Variants in APBB2 observed in about 807,000 individuals in gnomAD.
The protein encoded by APBB2 is amyloid beta precursor protein binding family B member 2, also known as Fe65-like 1.
APBB2 carries 38 observed loss-of-function variants against 82.5 expected under a neutral mutation model. The observed-to-expected ratio is 0.46, with a 90% CI of 0.36 to 0.60. APBB2 has a LOEUF of 0.60. Ranked by LOEUF, APBB2 falls within the 20% of genes least tolerant of loss-of-function variation. APBB2 has a pLI of 0.00. For synonymous variants in APBB2, 341 were observed against 368.2 expected (o/e 0.93, Z 0.85); for missense variants, 772 against 972.3 (o/e 0.79, Z 2.74).
chr4:41,074,303 G>A (rs1734860835), intron 3 of APBB2, among the ~76,000 whole-genome samples: 2 of 152,060 alleles, frequency 1.3e-5, no homozygotes, highest in South Asian at 4.1e-4. Context: ...CAAGGGATGT[G>A]CCCATCTCAT....
intron 12 of APBB2, among the ~76,000 whole-genome samples, chr4:40,870,165 T>C (rs1765087729): frequency 6.6e-6 from 1 of 152,172 alleles, no homozygotes; most frequent in Non-Finnish European, 1.5e-5. Context: ...TTTGTCTGTT[T>C]TTGACTTCAC....
intron 6 of APBB2, among the ~76,000 whole-genome samples, chr4:40,972,700 T>C (rs1403708506): frequency 6.6e-6 from 1 of 152,018 alleles, no homozygotes; most frequent in Non-Finnish European, 1.5e-5. Flanking sequence ...AGGTGAAGAG[T>C]GGAATCCAGT....
chr4:41,137,803 T>TA (rs1364063128), intron 2 of APBB2, among the ~76,000 whole-genome samples: 2 of 151,986 alleles, frequency 1.3e-5, no homozygotes, highest in Non-Finnish European at 2.9e-5. Flanking sequence ...AAAATAAAAA[T>TA]AAAAAATCAA....
intron 1 of APBB2, among the ~76,000 whole-genome samples, chr4:41,163,925 ATGTTC>A (rs1332537843): frequency 6.6e-6 from 1 of 152,250 alleles, no homozygotes; most frequent in Non-Finnish European, 1.5e-5. Context: ...TGAAATATAA[ATGTTC>A]TCTAACGTTT....
chr4:41,030,632 T>A (rs979554932), intron 5 of APBB2, among the ~76,000 whole-genome samples: 3 of 151,666 alleles, frequency 2.0e-5, no homozygotes, highest in South Asian at 2.1e-4. Context: ...TCAAAGATAA[T>A]TTTTTTTTAA....
intron 10 of APBB2, among the ~76,000 whole-genome samples, chr4:40,896,410 C>T (rs996663308): frequency 6.6e-6 from 1 of 152,208 alleles, no homozygotes; most frequent in African/African-American, 2.4e-5. Context: ...GAACAGCCTG[C>T]ATTCTAATCT....
intron 1 of APBB2, among the ~76,000 whole-genome samples, chr4:41,207,063 G>A (rs774149513): frequency 2.6e-5 from 4 of 151,956 alleles, no homozygotes; most frequent in African/African-American, 9.7e-5. Flanking sequence ...GCCGGATACA[G>A]TGGCGGGCAC....
Position 41,144,094 on chromosome 4 carries a change from T to C in APBB2, c.-416-952A>G, listed in dbSNP as rs1760013427. Among the ~76,000 whole-genome samples the C allele has an allele frequency of 5.9e-5, 9 of 152,366 alleles. No homozygotes were observed. In the South Asian group the frequency reaches 1.9e-3, roughly 32 times the overall value. Reference sequence around the variant, plus strand: ...AGATTAAGAAGTCTTCATTTGTTAATTATAGTAACAGTTATGACGACATCT... The same window carrying C: ...AGATTAAGAAGTCTTCATTTGTTAACTATAGTAACAGTTATGACGACATCT... On this transcript the variant is annotated intron_variant, in intron 1 of 17. Coordinates refer to ENST00000508593, the MANE Select transcript of APBB2 (RefSeq NM_004307.2).
chr4:41,167,580 T>G (rs1388257695), intron 1 of APBB2, among the ~76,000 whole-genome samples: 1 of 152,236 alleles, frequency 6.6e-6, no homozygotes, highest in Non-Finnish European at 1.5e-5. Context: ...CCTATGCATA[T>G]TTTATTAATC....
Position 40,944,978 on chromosome 4 carries a change from T to TG in APBB2, c.930dup (p.Ile311HisfsTer22). The TG allele has an allele frequency of 6.2e-7, 1 of 1,613,440 alleles. No homozygotes were observed. The highest frequency in any genetic ancestry group is 2.2e-5 in the East Asian group (1 of 44,824). On this transcript the variant is annotated frameshift_variant, in exon 7 of 18. Coordinates refer to ENST00000508593, the MANE Select transcript of APBB2 (RefSeq NM_004307.2). LOFTEE classifies it high-confidence loss of function. ...TCCCACTGAGTCGTTCCTGTTGGGA[T>TG]GTGCCAATAATAGGTCCCGGCAATG...
rs1257059041 is a variant in APBB2 at position 41,127,072 on chromosome 4, C to T, written c.-261+15915G>A. On this transcript the variant is annotated intron_variant, in intron 2 of 17. Coordinates refer to ENST00000508593, the MANE Select transcript of APBB2 (RefSeq NM_004307.2). This position sits in a 1 kb window ranked among gnomAD's most constrained non-coding sequence, Gnocchi z 4.8. ...GTGCCATGAGGCTAGACTCAATAAA[C>T]TCACAATTCATTTCTCACTTACTTA... Among the ~76,000 whole-genome samples, 1 of 152,074 alleles carries T rather than the reference C, an allele frequency of 6.6e-6. No homozygotes were observed. The highest frequency in any genetic ancestry group is 2.4e-5 in the African/African-American group (1 of 41,412).
At chr4:41,111,548 G>A (rs930949248) in intron 2 of APBB2, among the ~76,000 whole-genome samples, 3 of 152,124 alleles carry the variant, frequency 2.0e-5, no homozygotes, top group Non-Finnish European at 2.9e-5. Context: ...TTCACAGAAT[G>A]TTAATGCTAG....
At chr4:41,034,669 T>C (rs1718446516) in intron 4 of APBB2, among the ~76,000 whole-genome samples, 2 of 152,216 alleles carry the variant, frequency 1.3e-5, no homozygotes, top group African/African-American at 2.4e-5. Context: ...AGAATATGCA[T>C]AGCAAAGCAT....
chr4:40,934,084 G>C (rs139573490), intron 10 of APBB2, among the ~76,000 whole-genome samples: 1 of 152,206 alleles, frequency 6.6e-6, no homozygotes, highest in African/African-American at 2.4e-5. Flanking sequence ...CTCTGGTGGC[G>C]GTAGGTGGGA....
intron 10 of APBB2, among the ~76,000 whole-genome samples, chr4:40,927,786 C>T (rs1432859006): frequency 6.6e-6 from 1 of 152,148 alleles, no homozygotes; most frequent in Non-Finnish European, 1.5e-5. Flanking sequence ...CGCCCAGCCC[C>T]TCTTCTTTAA....
At chr4:40,819,176 CTTTTTTTTTTTTCTTTT>C (rs1208565615) in intron 17 of APBB2, among the ~76,000 whole-genome samples, 1 of 135,214 alleles carries the variant, frequency 7.4e-6, no homozygotes. Flanking sequence ...CCTTGGCTCT[CTTTTTTTTTTTTCTTTT>C]TTTTTTTTTT....
At chr4:40,831,947 T>A (rs1028309359) in intron 12 of APBB2, among the ~76,000 whole-genome samples, 2 of 151,650 alleles carry the variant, frequency 1.3e-5, no homozygotes, top group South Asian at 4.2e-4. Flanking sequence ...AATGTTAACA[T>A]TGGAAGACAG....
At chr4:40,938,125 C>A (rs1197106148) in intron 7 of APBB2, among the ~76,000 whole-genome samples, 2 of 152,234 alleles carry the variant, frequency 1.3e-5, no homozygotes, top group Non-Finnish European at 2.9e-5. Context: ...GAGCAACAAG[C>A]TTCCATGAGC....
Position 41,016,686 on chromosome 4 carries a change from A to T in APBB2, c.20-2288T>A, listed in dbSNP as rs554690224. 2.6e-5 allele frequency among the ~76,000 whole-genome samples: 4 copies of T among 151,942 alleles called. No individual in the cohort carries two copies. The East Asian group carries it at 7.8e-4, about 30-fold the overall frequency. The stretch of plus-strand genomic sequence containing the variant: ...AAAAGAAAAAAAAAGACTTCTAGCC[A>T]TATTTTCACAGTCTTTGGGATCCCA... On this transcript the variant is annotated intron_variant, in intron 5 of 17. Coordinates refer to ENST00000508593, the MANE Select transcript of APBB2 (RefSeq NM_004307.2).
Sources: gnomAD v4.1 joint callset for allele counts (sites outside exome capture counted in the v4.1 genomes callset) on GRCh38, gnomAD v4.1.1 for gene constraint, Gnocchi (gnomAD v3.1) non-coding constraint, MANE v1.5 for transcripts, NCBI Gene and HGNC (gene_info 2026-07-23, HGNC 2026-07-21) for gene names.